USP53: variants seen among roughly 807,000 people sequenced by gnomAD.
USP53 encodes the protein ubiquitin carboxyl-terminal hydrolase 53.
USP53 carries 71 observed loss-of-function variants against 94.9 expected under a neutral mutation model. The ratio of observed to expected loss-of-function variants is 0.75; its 90% confidence interval spans 0.62 to 0.91. The LOEUF (loss-of-function observed/expected upper bound fraction) is 0.91, where lower values mean the gene tolerates loss of function less well. Ranked by LOEUF, USP53 falls within the 40% of genes least tolerant of loss-of-function variation. The pLI, the probability that USP53 is intolerant of heterozygous loss-of-function variation, is 0.00. For synonymous variants in USP53, 375 were observed against 422.7 expected (o/e 0.89, Z 1.39); for missense variants, 1,173 against 1,281.0 (o/e 0.92, Z 1.29).
intron 7 of USP53, among the ~76,000 whole-genome samples, chr4:119,253,877 A>C (rs972950099): frequency 2.6e-5 from 4 of 152,184 alleles, no homozygotes; most frequent in African/African-American, 9.6e-5. Context: ...ATCCATGTTT[A>C]GTGCTTCCTT....
chr4:119,253,156 C>A (rs551216180), intron 7 of USP53, among the ~76,000 whole-genome samples: 1 of 151,528 alleles, frequency 6.6e-6, no homozygotes, highest in East Asian at 1.9e-4. Flanking sequence ...ATTATGTGGT[C>A]GGTTTTAGAT....
At chr4:119,228,850 T>C (rs1405548911) in intron 3 of USP53, among the ~76,000 whole-genome samples, 1 of 152,192 alleles carries the variant, frequency 6.6e-6, no homozygotes, top group Admixed American at 6.5e-5. Flanking sequence ...CTGAATTGTT[T>C]AATTTGGATC....
intron 5 of USP53, among the ~76,000 whole-genome samples, chr4:119,242,361 C>T (rs1747660429): frequency 1.3e-5 from 2 of 152,136 alleles, no homozygotes; most frequent in African/African-American, 4.8e-5. Flanking sequence ...TTAGGCGGGA[C>T]AGAGCTATGC....
At chr4:119,257,992 G>C (rs1027592066) in intron 9 of USP53, among the ~76,000 whole-genome samples, 3 of 152,180 alleles carry the variant, frequency 2.0e-5, no homozygotes, top group African/African-American at 7.2e-5. Context: ...CAAGTTGCAG[G>C]AGTGCACGCT....
intron 17 of USP53, among the ~76,000 whole-genome samples, chr4:119,287,153 C>T (rs1754202153): frequency 6.6e-6 from 1 of 151,846 alleles, no homozygotes; most frequent in African/African-American, 2.4e-5. Flanking sequence ...TTCTGCAGAC[C>T]TTCATTTGAA....
intron 17 of USP53, among the ~76,000 whole-genome samples, chr4:119,280,223 A>C (rs1753349542): frequency 6.6e-6 from 1 of 150,896 alleles, no homozygotes; most frequent in Non-Finnish European, 1.5e-5. Context: ...GAAGTCTTTC[A>C]ATGTTTTTTT....
chr4:119,223,148 G>C (rs1744775641), intron 3 of USP53, among the ~76,000 whole-genome samples: 1 of 152,192 alleles, frequency 6.6e-6, no homozygotes, highest in Non-Finnish European at 1.5e-5. Context: ...AGCTGAGCAT[G>C]AGTTAAGGTG....
In USP53 at chr4:119,260,626, T is replaced by G. The variant is rs775513717; in HGVS notation, c.795T>G (p.Asn265Lys). 6.2e-7 allele frequency: 1 copy of G among 1,613,776 alleles called. No homozygotes were observed. The highest frequency in any genetic ancestry group is 8.5e-7 in the Non-Finnish European group (1 of 1,179,750). ...HSDLTEAVVR[N>K]LATHLYLPGL... ...ACTTGACCGAAGCTGTTGTTCGGAA[T>G]CTAGCAACACATCTTTATCTTCCTG... Residue 265 changes from asparagine (N) to lysine (K), a missense_variant, in exon 11 of 19, where the codon AAT becomes AAG. Coordinates refer to ENST00000692078, the MANE Select transcript of USP53 (RefSeq NM_001371395.1).
chr4:119,248,932 C>T, intron 7 of USP53, 50 bp downstream of exon 7: 4 of 1,604,056 alleles, frequency 2.5e-6, no homozygotes, highest in Non-Finnish European at 2.6e-6. Flanking sequence ...GTTTTCATTC[C>T]TTAGATGGTA....
At chr4:119,288,617 A>G (rs1388517621) in intron 17 of USP53, among the ~76,000 whole-genome samples, 2 of 152,156 alleles carry the variant, frequency 1.3e-5, no homozygotes, top group African/African-American at 4.8e-5. Flanking sequence ...ATGATTTTGT[A>G]ACATCCATGT....
Position 119,293,005 on chromosome 4 carries a change from G to A in USP53, c.3016G>A (p.Asp1006Asn), listed in dbSNP as rs1578592441. 6.2e-7 allele frequency: 1 copy of A among 1,614,086 alleles called. No individual in the cohort carries two copies. The highest frequency in any genetic ancestry group is 8.5e-7 in the Non-Finnish European group (1 of 1,179,958). The part of the protein sequence containing the change: ...PNCPSSSSTN[D>N]FQANSGAIDA... ...CTGTCCATCCAGCTCCTCAACTAAC[G>A]ATTTTCAGGCAAACTCAGGTGCCAT... The change falls in exon 19 of 19, where the codon GAT becomes AAT. Residue 1006 changes from aspartate (D) to asparagine (N), a missense_variant. By Grantham distance (23) the Asp-to-Asn change is conservative. Coordinates refer to ENST00000692078, the MANE Select transcript of USP53 (RefSeq NM_001371395.1).
intron 5 of USP53, among the ~76,000 whole-genome samples, chr4:119,244,572 A>G (rs184274645): frequency 9.5e-4 from 144 of 152,288 alleles, no homozygotes; most frequent in African/African-American, 3.4e-3. Flanking sequence ...AACATTACAT[A>G]TTATTTAATC....
intron 4 of USP53, among the ~76,000 whole-genome samples, chr4:119,236,226 A>C (rs766795834): frequency 1.3e-5 from 2 of 152,242 alleles, no homozygotes; most frequent in Non-Finnish European, 2.9e-5. Context: ...TTAAGTGTGC[A>C]AAATAGCATT....
intron 3 of USP53, among the ~76,000 whole-genome samples, chr4:119,228,936 AG>A (rs999242873): frequency 1.3e-5 from 2 of 152,226 alleles, no homozygotes; most frequent in Admixed American, 6.5e-5. Context: ...GGAAAACTAC[AG>A]TTGCGTGTGT....
intron 3 of USP53, among the ~76,000 whole-genome samples, chr4:119,223,642 G>A (rs1744846267): frequency 6.6e-6 from 1 of 152,188 alleles, no homozygotes; most frequent in African/African-American, 2.4e-5. Flanking sequence ...TGTGCTTCTA[G>A]AATCTTTACC....
At chr4:119,219,073 A>T (rs1744172939) in intron 3 of USP53, 1 of 152,228 alleles carries the variant, frequency 6.6e-6, no homozygotes, top group Non-Finnish European at 1.5e-5. Flanking sequence ...GGTATTTCAG[A>T]AATCTAATGA....
chr4:119,279,633 T>G (rs1482478983), intron 17 of USP53, among the ~76,000 whole-genome samples: 1 of 151,922 alleles, frequency 6.6e-6, no homozygotes, highest in Admixed American at 6.6e-5. Flanking sequence ...CTCCACCCAG[T>G]TCGAGCTTCC....
In USP53 at chr4:119,265,670, A is replaced by AAACAACAACAACAACAAC. The variant is rs56113456; in HGVS notation, c.973-1638_973-1621dup. Among the ~76,000 whole-genome samples, 781 of 150,526 alleles carry AAACAACAACAACAACAAC rather than the reference A, an allele frequency of 5.2e-3. 5 individuals carry two copies. Among genetic ancestry groups the AAACAACAACAACAACAAC allele is most frequent in the African/African-American group, 0.018 (739 of 40,852 alleles). On this transcript the variant is annotated intron_variant, in intron 12 of 18. Transcript: ENST00000692078. The stretch of plus-strand genomic sequence containing the variant: ...TGGGCGACTGTGAGACCTTTTCTCA[A>AAACAACAACAACAACAAC]AACAACAACAACAACAACAACAACA...
chr4:119,293,713 T>C lies in USP53; in HGVS notation c.*502T>C, dbSNP rs1362247869. 3 of 152,240 alleles carry C rather than the reference T, an allele frequency of 2.0e-5. No homozygotes were observed. Among genetic ancestry groups the C allele is most frequent in the Admixed American group, 2.0e-4 (3 of 15,276 alleles). The allele number at this position is 152,240 out of a possible 1,614,324, so 9.4% of individuals were successfully genotyped here. ...GGTGATACATAGCCTGGTACTTTTT[T>C]GTCAAAGAATTGCTTTATGAAGAAG... is the stretch of plus-strand genomic sequence containing the variant. On this transcript the variant is annotated 3_prime_UTR_variant, in exon 19 of 19. Transcript: ENST00000692078.
Sources: allele counts gnomAD v4.1 joint callset (sites outside exome capture counted in the v4.1 genomes callset), GRCh38; gene constraint gnomAD v4.1.1; transcripts MANE v1.5; gene names NCBI Gene and HGNC (gene_info 2026-07-23, HGNC 2026-07-21).